The following IL1RAPL2 variants were observed in gnomAD, a reference collection of about 807,000 sequenced individuals.
The protein encoded by IL1RAPL2 is interleukin 1 receptor accessory protein like 2.
IL1RAPL2 carries 3 observed loss-of-function variants against 44.1 expected under a neutral mutation model. That is an observed-to-expected ratio of 0.07 (90% CI 0.03 to 0.18). The LOEUF is 0.18. Among genes scored for constraint, IL1RAPL2 ranks in the 10% least tolerant of loss-of-function variants. The probability of loss-of-function intolerance (pLI) is 1.00; values close to 1 mark genes in which losing one functional copy is unlikely to be tolerated. For missense variants in IL1RAPL2, 391 were observed against 496.4 expected (o/e 0.79, Z 2.02); for synonymous variants, 181 against 178.8 (o/e 1.01, Z -0.10).
chrX:105,107,578 G>A (rs1433677044), intron 2 of IL1RAPL2, among the ~76,000 whole-genome samples: 2 of 111,820 alleles, frequency 1.8e-5, no homozygotes, highest in Non-Finnish European at 3.8e-5. Context: ...GACACCTAGA[G>A]AACCCAAATG....
intron 2 of IL1RAPL2, among the ~76,000 whole-genome samples, chrX:104,986,573 A>G (rs897186199): frequency 8.9e-6 from 1 of 112,319 alleles, no homozygotes; most frequent in African/African-American, 3.2e-5. Flanking sequence ...ACATGCCACT[A>G]AAAACCAATT....
intron 2 of IL1RAPL2, among the ~76,000 whole-genome samples, chrX:105,051,645 A>T (rs752804380): frequency 4.5e-4 from 51 of 113,016 alleles, no homozygotes; most frequent in Non-Finnish European, 8.3e-4. Flanking sequence ...CTGCCCCTGT[A>T]TCTGGGGAGC....
chrX:105,166,203 C>T (rs1012740728), intron 2 of IL1RAPL2, among the ~76,000 whole-genome samples: 15 of 111,827 alleles, frequency 1.3e-4, no homozygotes, highest in African/African-American at 4.6e-4. Flanking sequence ...ACCACAAGTA[C>T]TTATTTAATA....
At chrX:105,200,684 G>A (rs1050109926) in intron 3 of IL1RAPL2, among the ~76,000 whole-genome samples, 25 of 111,946 alleles carry the variant, frequency 2.2e-4, no homozygotes, top group African/African-American at 7.5e-4. Flanking sequence ...GGCTGAGGCA[G>A]GTGGATCACA....
At chrX:105,375,868 C>T (rs938201149) in intron 5 of IL1RAPL2, among the ~76,000 whole-genome samples, 2 of 111,869 alleles carry the variant, frequency 1.8e-5, no homozygotes, top group South Asian at 7.4e-4. Context: ...CCAACTGTTT[C>T]GTAAGTTTTT....
intron 2 of IL1RAPL2, among the ~76,000 whole-genome samples, chrX:104,799,247 G>A (rs965210317): frequency 3.6e-5 from 4 of 111,283 alleles, no homozygotes; most frequent in East Asian, 2.8e-4. Flanking sequence ...GTCTTGCTGC[G>A]CCTGGATTAG....
chrX:105,447,739 ATATGT>A (rs1367406892), intron 5 of IL1RAPL2, among the ~76,000 whole-genome samples: 11 of 86,112 alleles, frequency 1.3e-4, no homozygotes, highest in Non-Finnish European at 1.0e-4. Flanking sequence ...ATGTATATAA[ATATGT>A]TATACATATA....
intron 2 of IL1RAPL2, among the ~76,000 whole-genome samples, chrX:105,163,438 T>C (rs935825160): frequency 2.7e-5 from 3 of 112,077 alleles, no homozygotes; most frequent in African/African-American, 9.7e-5. Context: ...CCATTTATCT[T>C]CTCAACTTTC....
rs1015464369 is a variant in IL1RAPL2, at chrX:105,490,171, A to C, written c.772+5784A>C. On this transcript the variant is annotated intron_variant, in intron 6 of 10. Transcript: ENST00000372582. ...AGTTTTTTAAAACTTGAAATAAGCTAGACAGCATTATGCAGAAAATACATA... is the reference window on the plus strand; with the variant it reads ...AGTTTTTTAAAACTTGAAATAAGCTCGACAGCATTATGCAGAAAATACATA... Among the ~76,000 whole-genome samples the C allele has an allele frequency of 6.3e-5, 7 of 111,397 alleles. No individual in the cohort carries two copies. In the Admixed American group the frequency reaches 6.7e-4, roughly 11 times the overall value.
At chrX:104,896,814 C>G (rs1923663205) in intron 2 of IL1RAPL2, among the ~76,000 whole-genome samples, 1 of 111,412 alleles carries the variant, frequency 9.0e-6, no homozygotes, top group South Asian at 3.8e-4. Context: ...TGAGCTGTAA[C>G]ACTCACTGCG....
At chrX:104,942,677 A>G (rs1340008741) in intron 2 of IL1RAPL2, among the ~76,000 whole-genome samples, 2 of 111,101 alleles carry the variant, frequency 1.8e-5, no homozygotes, top group African/African-American at 3.3e-5. Flanking sequence ...CTAATTGAAT[A>G]CCCTTTATTT....
intron 2 of IL1RAPL2, among the ~76,000 whole-genome samples, chrX:105,040,209 C>A (rs1022466613): frequency 9.0e-6 from 1 of 111,496 alleles, no homozygotes; most frequent in Non-Finnish European, 1.9e-5. Context: ...ATTGAACCAG[C>A]CTTGCATCCC....
At chrX:105,412,306 GTATATATATA>G (rs56979628) in intron 5 of IL1RAPL2, among the ~76,000 whole-genome samples, 50,681 of 92,829 alleles carry the variant, frequency 0.55, 13,076 homozygotes, top group Non-Finnish European at 0.72. Flanking sequence ...GAAAAATGTA[GTATATATATA>G]TATATATATA....
intron 6 of IL1RAPL2, among the ~76,000 whole-genome samples, chrX:105,600,600 T>C (rs1343574378): frequency 9.2e-6 from 1 of 108,687 alleles, no homozygotes; most frequent in African/African-American, 3.3e-5. Context: ...AAAACACCAA[T>C]AAACTTCTTA....
intron 2 of IL1RAPL2, among the ~76,000 whole-genome samples, chrX:104,832,489 G>T (rs1374640685): frequency 1.8e-5 from 2 of 111,076 alleles, no homozygotes; most frequent in East Asian, 5.7e-4. Context: ...AAAAAAAATG[G>T]AAGTATTTCC....
chrX:104,583,256 CAT>C (rs1420979476), intron 1 of IL1RAPL2, among the ~76,000 whole-genome samples: 4 of 111,214 alleles, frequency 3.6e-5, no homozygotes, highest in African/African-American at 1.3e-4. Flanking sequence ...ATTTACATAA[CAT>C]AAATTTATCC....
chrX:104,699,418 C>T (rs1931237058), intron 2 of IL1RAPL2, among the ~76,000 whole-genome samples: 1 of 111,399 alleles, frequency 9.0e-6, no homozygotes, highest in African/African-American at 3.3e-5. Flanking sequence ...CACATGCATG[C>T]ACAGTTCACA....
intron 4 of IL1RAPL2, among the ~76,000 whole-genome samples, chrX:105,250,655 T>C (rs951168426): frequency 2.7e-5 from 3 of 111,185 alleles, no homozygotes; most frequent in Non-Finnish European, 1.9e-5. Flanking sequence ...TACCAAAGAA[T>C]AAAAGATACG....
At chrX:105,299,253 ACT>A (rs2034677485) in intron 5 of IL1RAPL2, among the ~76,000 whole-genome samples, 4 of 112,030 alleles carry the variant, frequency 3.6e-5, no homozygotes, top group African/African-American at 1.3e-4. Flanking sequence ...CTACTGTGAT[ACT>A]GTTCCTATAA....
Sources: allele counts gnomAD v4.1 joint callset (sites outside exome capture counted in the v4.1 genomes callset), GRCh38; gene constraint gnomAD v4.1.1; transcripts MANE v1.5; gene names NCBI Gene and HGNC (gene_info 2026-07-23, HGNC 2026-07-21).